SSBP2: variants seen among roughly 807,000 people sequenced by gnomAD.
SSBP2 encodes single stranded DNA binding protein 2, also known as single-stranded DNA-binding protein 2.
SSBP2 carries 17 observed loss-of-function variants against 61.8 expected under a neutral mutation model. That is an observed-to-expected ratio of 0.28 (90% CI 0.19 to 0.41). SSBP2 has a LOEUF of 0.41. SSBP2 is among the 10% of genes least tolerant of loss of function. The pLI is 1.00. For synonymous variants in SSBP2, 139 were observed against 141.3 expected, an observed-to-expected ratio of 0.98 and a Z score of 0.12; for missense variants, 310 against 458.7, an observed-to-expected ratio of 0.68 and a Z score of 2.96.
rs572350167 is a variant in SSBP2, at chr5:81,594,645, T to C, written c.282+20828A>G. ...AACAGAAACTATAACAAACTGTCTCTCAGACCACAGTGCAATCAAACTAGA... is the reference window on the plus strand; with the variant it reads ...AACAGAAACTATAACAAACTGTCTCCCAGACCACAGTGCAATCAAACTAGA... On this transcript the variant is annotated intron_variant, in intron 4 of 16. Transcript: ENST00000320672. 7.2e-5 allele frequency among the ~76,000 whole-genome samples: 11 copies of C among 152,308 alleles called. No homozygotes were observed. In the East Asian group the frequency reaches 2.1e-3, roughly 29 times the overall value.
intron 6 of SSBP2, among the ~76,000 whole-genome samples, chr5:81,487,614 T>C (rs1580809643): frequency 6.6e-6 from 1 of 152,180 alleles, no homozygotes; most frequent in African/African-American, 2.4e-5. Context: ...TATTAAACTT[T>C]ATTTTTTAAA....
intron 4 of SSBP2, among the ~76,000 whole-genome samples, chr5:81,579,115 T>C (rs1774454009): frequency 6.6e-6 from 1 of 152,008 alleles, no homozygotes; most frequent in Non-Finnish European, 1.5e-5. Flanking sequence ...GTTTGGAAGA[T>C]GCTGGCAGAT....
rs1171375266 is a variant in SSBP2 at position 81,474,487 on chromosome 5, A to G, written c.499+9T>C. On this transcript the variant is annotated intron_variant, in intron 7 of 16. Coordinates refer to ENST00000320672, the MANE Select transcript of SSBP2 (RefSeq NM_012446.5). The stretch of plus-strand genomic sequence containing the variant: ...CACATCAATTTTCCTTTTACTTTAG[A>G]GTAGTCACCTTGTTGTCGAGTTGGA... 1.2e-6 allele frequency: 2 copies of G among 1,611,702 alleles called. No individual in the cohort carries two copies.
At chr5:81,546,467 A>G (rs56384919) in intron 4 of SSBP2, among the ~76,000 whole-genome samples, 1 of 151,224 alleles carries the variant, frequency 6.6e-6, no homozygotes, top group Non-Finnish European at 1.5e-5. Context: ...TAGACAAACA[A>G]TAACAAAAAT....
intron 4 of SSBP2, among the ~76,000 whole-genome samples, chr5:81,582,437 T>C (rs957256896): frequency 6.6e-6 from 1 of 152,208 alleles, no homozygotes; most frequent in African/African-American, 2.4e-5. Flanking sequence ...GCATATGTAC[T>C]CAATTTTTAT....
chr5:81,615,510 CAT>C lies in SSBP2; in HGVS notation c.243_244del (p.Cys82Ter). 2 of 1,613,770 alleles carry C rather than the reference CAT, an allele frequency of 1.2e-6. No homozygotes were observed. The highest frequency in any genetic ancestry group is 1.7e-6 in the Non-Finnish European group (2 of 1,179,818). On this transcript the variant is annotated frameshift_variant, in exon 4 of 17. Transcript: ENST00000320672. LOFTEE classifies it high-confidence loss of function. Reference sequence around the variant, plus strand: ...GGCTTTTGCTTCACTTGAGTGTTCACATGTTTCACGTCTCTCTGGAGCTGCAC... The same window carrying C: ...GGCTTTTGCTTCACTTGAGTGTTCACGTTTCACGTCTCTCTGGAGCTGCAC...
chr5:81,736,170 A>ACG (rs1756603091), intron 1 of SSBP2, among the ~76,000 whole-genome samples: 1 of 134,242 alleles, frequency 7.4e-6, no homozygotes, highest in African/African-American at 3.4e-5. Context: ...ACACACACAC[A>ACG]CACACACACA....
chr5:81,539,895 G>GC (rs1196479586), intron 4 of SSBP2, among the ~76,000 whole-genome samples: 1 of 151,846 alleles, frequency 6.6e-6, no homozygotes, highest in Non-Finnish European at 1.5e-5. Context: ...CCCTCCCTTA[G>GC]CCCCCCACCC....
chr5:81,729,227 T>A (rs1246222626), intron 1 of SSBP2, among the ~76,000 whole-genome samples: 1 of 152,202 alleles, frequency 6.6e-6, no homozygotes, highest in Non-Finnish European at 1.5e-5. Context: ...CTCATTTTTA[T>A]GAATCACTGA....
Position 81,685,401 on chromosome 5 carries a change from T to C in SSBP2, c.63-35062A>G, listed in dbSNP as rs1187359916. Among the ~76,000 whole-genome samples the C allele has an allele frequency of 2.6e-5, 4 of 152,252 alleles. No homozygotes were observed. The South Asian group carries it at 6.2e-4, about 24-fold the overall frequency. ...GATGTCTTAATGTATTCAGCAATTGTAACAAATGTACCACTGTGGCACATG... is the reference window on the plus strand; with the variant it reads ...GATGTCTTAATGTATTCAGCAATTGCAACAAATGTACCACTGTGGCACATG... On this transcript the variant is annotated intron_variant, in intron 1 of 16. Transcript: ENST00000320672.
intron 10 of SSBP2, among the ~76,000 whole-genome samples, chr5:81,451,466 G>T (rs1327905091): frequency 1.3e-5 from 2 of 151,910 alleles, no homozygotes; most frequent in Non-Finnish European, 2.9e-5. Context: ...CGCTCTTGTT[G>T]CCCAGGCTGG....
chr5:81,423,042 T>TA (rs1322940705), intron 16 of SSBP2, among the ~76,000 whole-genome samples: 7 of 152,074 alleles, frequency 4.6e-5, no homozygotes, highest in African/African-American at 1.7e-4. Context: ...CAAGAATAAA[T>TA]AAAAAGAAAA....
intron 10 of SSBP2, among the ~76,000 whole-genome samples, chr5:81,454,283 G>T (rs538935878): frequency 8.7e-4 from 132 of 152,326 alleles, no homozygotes; most frequent in Middle Eastern, 6.8e-3. Flanking sequence ...TCACGGCATG[G>T]CACTAGAGGA....
chr5:81,714,074 C>T (rs1355052610), intron 1 of SSBP2, among the ~76,000 whole-genome samples: 1 of 152,102 alleles, frequency 6.6e-6, no homozygotes, highest in Non-Finnish European at 1.5e-5. Flanking sequence ...CATCCCCCAA[C>T]AGGCCCTGGT....
intron 1 of SSBP2, among the ~76,000 whole-genome samples, chr5:81,733,166 T>C (rs1291004305): frequency 6.6e-6 from 1 of 152,152 alleles, no homozygotes; most frequent in Non-Finnish European, 1.5e-5. Flanking sequence ...AAAAATCTTA[T>C]TAAGCTCATT....
Position 81,419,899 on chromosome 5 carries a change from T to C in SSBP2, c.*605A>G, listed in dbSNP as rs1761491507. The C allele has an allele frequency of 2.0e-5, 3 of 152,266 alleles. No individual in the cohort carries two copies. Among genetic ancestry groups the C allele is most frequent in the Admixed American group, 1.3e-4 (2 of 15,284 alleles). 9.4% of individuals were successfully genotyped at this position (152,266 alleles called of 1,614,324 possible). A position where few individuals can be genotyped will look rare whatever the true frequency, so the allele number is the denominator to read the frequency against. ...TTCTATTTTTTGAGACAGTACACTT[T>C]GTGATTCACAGGATAACTTGCATCA... On this transcript the variant is annotated 3_prime_UTR_variant, in exon 17 of 17. Transcript: ENST00000320672.
chr5:81,656,726 C>CAA (rs201044035), intron 1 of SSBP2, among the ~76,000 whole-genome samples: 113 of 131,958 alleles, frequency 8.6e-4, no homozygotes, highest in Non-Finnish European at 1.1e-3. Context: ...TAAGTAACTC[C>CAA]AAAAAAAAAA....
intron 10 of SSBP2, among the ~76,000 whole-genome samples, chr5:81,449,911 A>G (rs1165270780): frequency 2.6e-5 from 4 of 152,194 alleles, no homozygotes; most frequent in Non-Finnish European, 5.9e-5. Flanking sequence ...ATTAGAATTA[A>G]TTCTGCTGAG....
intron 4 of SSBP2, among the ~76,000 whole-genome samples, chr5:81,532,491 T>G (rs914764339): frequency 6.6e-6 from 1 of 151,654 alleles, no homozygotes; most frequent in Non-Finnish European, 1.5e-5. Flanking sequence ...AAATTAATAC[T>G]AAAAAGGACA....
Sources: allele counts gnomAD v4.1 joint callset (sites outside exome capture counted in the v4.1 genomes callset), GRCh38; gene constraint gnomAD v4.1.1; transcripts MANE v1.5; gene names NCBI Gene and HGNC (gene_info 2026-07-23, HGNC 2026-07-21).